TPO: variants seen among roughly 807,000 people sequenced by gnomAD.
TPO encodes thyroid microsomal antigen.
TPO carries 78 observed loss-of-function variants against 96.9 expected under a neutral mutation model. The ratio of observed to expected loss-of-function variants is 0.81; its 90% confidence interval spans 0.67 to 0.97. TPO has a LOEUF of 0.97. Ranked by LOEUF, TPO falls within the 50% of genes least tolerant of loss-of-function variation. The pLI is 0.00. For missense variants in TPO, 1,252 were observed against 1,274.8 expected, an observed-to-expected ratio of 0.98 and a Z score of 0.27; for synonymous variants, 547 against 538.0, an observed-to-expected ratio of 1.02 and a Z score of -0.23.
At chr2:1,526,069 A>C (rs1676415856) in intron 15 of TPO, among the ~76,000 whole-genome samples, 1 of 55,274 alleles carries the variant, frequency 1.8e-5, no homozygotes, top group Non-Finnish European at 3.3e-5. Flanking sequence ...CACTGTGCGC[A>C]ACCTCCCCAA....
At chr2:1,414,250 T>C in intron 1 of TPO, 158 bp from the exon 2 acceptor site, 7 of 705,422 alleles carry the variant, frequency 9.9e-6, no homozygotes, top group South Asian at 9.2e-5. Context: ...ACGGCGACTC[T>C]GGTCTCGCAG....
At chr2:1,410,358 G>A (rs139551734), upstream of TPO, among the ~76,000 whole-genome samples, 651 of 152,318 alleles carry the variant, frequency 4.3e-3, 3 homozygotes, top group African/African-American at 0.015. Flanking sequence ...AGAACACAAG[G>A]CAGTCAGGCC....
intron 15 of TPO, among the ~76,000 whole-genome samples, chr2:1,522,286 GC>G (rs55717446): frequency 4.7e-3 from 180 of 38,434 alleles, no homozygotes; most frequent in Non-Finnish European, 5.9e-3. Context: ...CCCCACACCG[GC>G]CCTGCCACCT....
intron 2 of TPO, 131 bp downstream of exon 2, chr2:1,414,633 G>GA (rs199828083): frequency 1.6e-3 from 1,186 of 732,506 alleles, no homozygotes; most frequent in Middle Eastern, 2.2e-3. Context: ...TTATGCTTAA[G>GA]AAAAAAAAAT....
intron 1 of TPO, among the ~76,000 whole-genome samples, chr2:1,389,988 A>G (rs549148273): frequency 6.7e-6 from 1 of 150,224 alleles, no homozygotes; most frequent in Non-Finnish European, 1.5e-5. Flanking sequence ...CCCCTGGCAT[A>G]CAAGAGGTTA....
intron 5 of TPO, among the ~76,000 whole-genome samples, chr2:1,442,933 T>G (rs1196232178): frequency 6.6e-6 from 1 of 152,252 alleles, no homozygotes; most frequent in Admixed American, 6.5e-5. Flanking sequence ...TGATTTTTCT[T>G]TGAAAAATTG....
intron 15 of TPO, among the ~76,000 whole-genome samples, chr2:1,540,175 C>T (rs955254211): frequency 2.6e-5 from 4 of 152,074 alleles, no homozygotes; most frequent in Admixed American, 6.5e-5. Context: ...GGTCTTCAGG[C>T]TCAGGTTGAA....
intron 15 of TPO, among the ~76,000 whole-genome samples, chr2:1,523,436 A>T (rs1675651115): frequency 7.6e-6 from 1 of 131,010 alleles, no homozygotes; most frequent in African/African-American, 2.9e-5. Flanking sequence ...CAACCTCCCC[A>T]AATTACCCCC....
At chr2:1,382,656 C>A (rs1410549369) in intron 1 of TPO, among the ~76,000 whole-genome samples, 1 of 152,088 alleles carries the variant, frequency 6.6e-6, no homozygotes, top group Non-Finnish European at 1.5e-5. Context: ...AGGATTGTCA[C>A]AACCAGGAAT....
At chr2:1,398,575 C>G (rs1438437128) in intron 1 of TPO, among the ~76,000 whole-genome samples, 1 of 152,244 alleles carries the variant, frequency 6.6e-6, no homozygotes, top group Non-Finnish European at 1.5e-5. Context: ...TGTCCCTTCT[C>G]TGCCTCCCCA....
chr2:1,377,685 G>C (rs1157144757), intron 1 of TPO, among the ~76,000 whole-genome samples: 1 of 152,210 alleles, frequency 6.6e-6, no homozygotes, highest in African/African-American at 2.4e-5. Context: ...CTGGCCCTGG[G>C]TGAGTCACGC....
intron 1 of TPO, among the ~76,000 whole-genome samples, chr2:1,396,433 GC>G (rs575702231): frequency 5.3e-4 from 80 of 152,320 alleles, no homozygotes; most frequent in African/African-American, 1.8e-3. Context: ...AATGTCTTCC[GC>G]AGCTGAGAGG....
intron 14 of TPO, among the ~76,000 whole-genome samples, chr2:1,505,147 C>T (rs1171000352): frequency 1.3e-5 from 2 of 152,202 alleles, no homozygotes; most frequent in Non-Finnish European, 2.9e-5. Flanking sequence ...GACGCGGCTG[C>T]CCGGGGCCTT....
intron 5 of TPO, among the ~76,000 whole-genome samples, chr2:1,447,921 C>T (rs1666967034): frequency 6.6e-6 from 1 of 152,150 alleles, no homozygotes; most frequent in Non-Finnish European, 1.5e-5. Flanking sequence ...AACAATTAGC[C>T]ACATTTCTCT....
chr2:1,532,199 CCCACCA>C (rs1295335397), intron 15 of TPO, among the ~76,000 whole-genome samples: 1 of 92,742 alleles, frequency 1.1e-5, no homozygotes, highest in Non-Finnish European at 2.3e-5. Flanking sequence ...CCTCAAATCC[CCCACCA>C]CTGTGAGCAA....
At position 1,542,809 on chromosome 2, in the gene TPO, T is replaced by G. The variant is rs1452166732; in HGVS notation, c.*335T>G. 2.0e-6 allele frequency: 1 copy of G among 510,912 alleles called. No individual in the cohort carries two copies. The highest frequency in any genetic ancestry group is 1.9e-5 in the African/African-American group (1 of 51,442). The allele number at this position is 510,912 out of a possible 1,614,324, so 31.6% of individuals were successfully genotyped here. ...CCTTCTGGCATCTCTGATGCCGTGC[T>G]CGTCTGCACTCTGCCCCGGCGGTCC... On this transcript the variant is annotated 3_prime_UTR_variant, in exon 17 of 17. Coordinates refer to ENST00000329066, the MANE Select transcript of TPO (RefSeq NM_001206744.2).
chr2:1,534,495 CACG>C (rs1558433013), intron 15 of TPO, among the ~76,000 whole-genome samples: 55 of 104,590 alleles, frequency 5.3e-4, no homozygotes, highest in African/African-American at 1.8e-3. Context: ...CCAAACCCCC[CACG>C]CAGTGTGCAA....
intron 7 of TPO, among the ~76,000 whole-genome samples, chr2:1,475,686 T>G (rs374425514): frequency 6.6e-6 from 1 of 152,058 alleles, no homozygotes; most frequent in Non-Finnish European, 1.5e-5. Flanking sequence ...GCCTCCCAAA[T>G]TGCTGGGCGC....
chr2:1,432,125 G>T (rs1665037329), intron 3 of TPO, among the ~76,000 whole-genome samples: 2 of 152,270 alleles, frequency 1.3e-5, no homozygotes, highest in Admixed American at 6.5e-5. Flanking sequence ...CCAGAGCACA[G>T]TCCGCTGTGG....
Sources: gnomAD v4.1 joint callset for allele counts (sites outside exome capture counted in the v4.1 genomes callset) on GRCh38, gnomAD v4.1.1 for gene constraint, MANE v1.5 for transcripts, NCBI Gene and HGNC (gene_info 2026-07-23, HGNC 2026-07-21) for gene names.